Variants in NEK5 observed in about 807,000 individuals in gnomAD.
NEK5 encodes the protein NIMA related kinase 5.
Under a neutral mutation model 109.2 loss-of-function variants are expected in NEK5, and 88 were observed. The observed-to-expected ratio is 0.81, with a 90% CI of 0.68 to 0.96. NEK5 has a LOEUF of 0.96. Among genes scored for constraint, NEK5 ranks in the 40% least tolerant of loss-of-function variants. The pLI is 0.00. For missense variants in NEK5, 834 were observed against 920.7 expected (o/e 0.91, Z 1.22); for synonymous variants, 283 against 299.9 (o/e 0.94, Z 0.58).
chr13:52,057,857 C>T (rs1313463801), intron 22 of NEK5, among the ~76,000 whole-genome samples: 3 of 151,446 alleles, frequency 2.0e-5, no homozygotes, highest in African/African-American at 7.3e-5. Flanking sequence ...ACTGAATGGG[C>T]AAAAACTGGA....
intron 21 of NEK5, among the ~76,000 whole-genome samples, chr13:52,063,165 C>A (rs1954628980): frequency 6.6e-6 from 1 of 152,166 alleles, no homozygotes; most frequent in East Asian, 1.9e-4. Context: ...CTCACTGCAA[C>A]CTCCCTGCCT....
chr13:52,052,201 G>T (rs113773558), intron 22 of NEK5, among the ~76,000 whole-genome samples: 13,399 of 140,918 alleles, frequency 0.095, 676 homozygotes, highest in Middle Eastern at 0.15. Context: ...ATGTATAAAA[G>T]CAAACTGTAC....
At chr13:52,117,155 G>A (rs994772958) in intron 4 of NEK5, among the ~76,000 whole-genome samples, 9 of 152,186 alleles carry the variant, frequency 5.9e-5, no homozygotes, top group African/African-American at 2.2e-4. Flanking sequence ...CTGACCTCAG[G>A]TGATCTGCCC....
At chr13:52,071,390 T>G (rs1457982357) in intron 20 of NEK5, among the ~76,000 whole-genome samples, 1 of 152,222 alleles carries the variant, frequency 6.6e-6, no homozygotes, top group Non-Finnish European at 1.5e-5. Context: ...AATATGACCC[T>G]ATAAAACTTC....
At chr13:52,083,004 G>A (rs1047604999) in intron 17 of NEK5, among the ~76,000 whole-genome samples, 3 of 152,146 alleles carry the variant, frequency 2.0e-5, no homozygotes, top group South Asian at 2.1e-4. Context: ...AAAATTAGCT[G>A]GGCATGGTGG....
At chr13:52,084,762 AGTGTGTGTGTGTGTGTGTGTGT>A (rs368429926) in intron 16 of NEK5, among the ~76,000 whole-genome samples, 16 of 47,380 alleles carry the variant, frequency 3.4e-4, no homozygotes, top group East Asian at 2.2e-3. Context: ...AGAGAGAGAG[AGTGTGTGTGTGTGTGTGTGTGT>A]GTGTGTGTGT....
At chr13:52,057,436 T>A (rs1954568551) in intron 22 of NEK5, among the ~76,000 whole-genome samples, 1 of 151,928 alleles carries the variant, frequency 6.6e-6, no homozygotes. Flanking sequence ...GAATCCTCCC[T>A]AACTCATTTT....
At chr13:52,060,083 G>T (rs956975041) in intron 22 of NEK5, among the ~76,000 whole-genome samples, 8 of 152,098 alleles carry the variant, frequency 5.3e-5, no homozygotes, top group African/African-American at 1.9e-4. Context: ...TAAATTAAAT[G>T]ATAGGTATTC....
At chr13:52,064,596 C>T (rs978106804) in intron 21 of NEK5, among the ~76,000 whole-genome samples, 1 of 151,952 alleles carries the variant, frequency 6.6e-6, no homozygotes, top group Non-Finnish European at 1.5e-5. Context: ...CCCCTCTGCC[C>T]GGCCACCACC....
chr13:52,078,915 A>G (rs1160826842), intron 17 of NEK5, among the ~76,000 whole-genome samples: 1 of 152,256 alleles, frequency 6.6e-6, no homozygotes, highest in Admixed American at 6.5e-5. Flanking sequence ...AGCAAATCAG[A>G]CAACCAACTT....
At chr13:52,050,251 G>C in intron 22 of NEK5, 30 bp from the exon 23 acceptor site, 1 of 881,458 alleles carries the variant, frequency 1.1e-6, no homozygotes, top group Non-Finnish European at 1.4e-6. Flanking sequence ...AGATATGAAA[G>C]CATCCCAGCC....
intron 23 of NEK5, among the ~76,000 whole-genome samples, chr13:52,042,074 T>TA (rs1176929304): frequency 6.6e-6 from 1 of 151,982 alleles, no homozygotes; most frequent in African/African-American, 2.4e-5. Flanking sequence ...AATGAGATGA[T>TA]AGTTGATTTG....
chr13:52,101,970 T>C lies in NEK5; in HGVS notation c.855A>G (p.Gly285=). ...EFSHMLICRA[G]APASRHAGKV... is the part of the protein sequence containing the mutation. ...TCCCAGCATGTCGAGAAGCTGGCGC[T>C]CCTGCTCTGCATATAAGCATGTGAC... Residue 285 remains glycine (G), a synonymous_variant, in exon 11 of 24, where the codon GGA becomes GGG. Transcript: ENST00000684899. 1.9e-6 allele frequency: 3 copies of C among 1,614,198 alleles called. No individual in the cohort carries two copies. The highest frequency in any genetic ancestry group is 2.5e-6 in the Non-Finnish European group (3 of 1,180,040).
rs1317510602 is a variant in NEK5, at chr13:52,064,334, CCCCAT to C, written c.1975+1145_1975+1149del. ...AGGAGCCCCTCTGCCTGGCCAGCCG[CCCCAT>C]CCAGGAGGGAGGTGGGGGGGTCAGC... On this transcript the variant is annotated intron_variant, in intron 21 of 23. Coordinates refer to ENST00000684899, the MANE Select transcript of NEK5 (RefSeq NM_001365552.1). 4.1e-3 allele frequency among the ~76,000 whole-genome samples: 577 copies of C among 139,188 alleles called. 6 individuals are homozygous for C. Among genetic ancestry groups the C allele is most frequent in the African/African-American group, 0.014 (525 of 37,868 alleles). 91.3% of individuals were successfully genotyped at this position (139,188 alleles called of 152,430 possible).
At chr13:52,043,066 T>C (rs1490778131) in intron 23 of NEK5, among the ~76,000 whole-genome samples, 3 of 149,718 alleles carry the variant, frequency 2.0e-5, no homozygotes, top group Non-Finnish European at 4.5e-5. Flanking sequence ...ATGATGAAAA[T>C]AAAAGAATAG....
At chr13:52,039,474 G>A (rs1954395985) in intron 23 of NEK5, among the ~76,000 whole-genome samples, 1 of 152,184 alleles carries the variant, frequency 6.6e-6, no homozygotes, top group African/African-American at 2.4e-5. Context: ...AAACTATGCT[G>A]TGTCTAGGTA....
Position 52,127,492 on chromosome 13 carries a change from T to C in NEK5, c.-10A>G. 6.9e-7 allele frequency: 1 copy of C among 1,439,932 alleles called. No homozygotes were observed. The allele number at this position is 1,439,932 out of a possible 1,614,324, so 89.2% of individuals were successfully genotyped here. On this transcript the variant is annotated 5_prime_UTR_variant, in exon 3 of 24. Coordinates refer to ENST00000684899, the MANE Select transcript of NEK5 (RefSeq NM_001365552.1). ...CATCGTACTTATCCATGGTCTCCAA[T>C]GGGCTGAGTTTCCTGGAATTAGAGT...
At chr13:52,050,371 AC>A (rs1954493435) in intron 22 of NEK5, 150 bp from the exon 23 acceptor site, 1 of 155,320 alleles carries the variant, frequency 6.4e-6, no homozygotes, top group South Asian at 2.1e-4. Context: ...GGATAACACA[AC>A]CAGACAAGTA....
At chr13:52,069,167 C>G (rs1192724554) in intron 20 of NEK5, among the ~76,000 whole-genome samples, 1 of 152,014 alleles carries the variant, frequency 6.6e-6, no homozygotes, top group African/African-American at 2.4e-5. Flanking sequence ...CTTTTCCCAG[C>G]AAACTGATGC....
Sources: allele counts gnomAD v4.1 joint callset (sites outside exome capture counted in the v4.1 genomes callset), GRCh38; gene constraint gnomAD v4.1.1; transcripts MANE v1.5; gene names NCBI Gene and HGNC (gene_info 2026-07-23, HGNC 2026-07-21).